Variants in NRXN1 observed in about 807,000 individuals in gnomAD.
NRXN1 encodes the protein neurexin 1.
In NRXN1, 39 loss-of-function variants were observed where a neutral mutation model predicts 150.9. The ratio of observed to expected loss-of-function variants is 0.26; its 90% confidence interval spans 0.20 to 0.34. The LOEUF (loss-of-function observed/expected upper bound fraction) is 0.34. Ranked by LOEUF, NRXN1 falls within the 10% of genes least tolerant of loss-of-function variation. The probability of loss-of-function intolerance (pLI) is 1.00; values close to 1 mark genes in which losing one functional copy is unlikely to be tolerated. For synonymous variants in NRXN1, 924 were observed against 757.0 expected, an observed-to-expected ratio of 1.22 and a Z score of -3.62; for missense variants, 1,815 against 1,949.9, an observed-to-expected ratio of 0.93 and a Z score of 1.30.
chr2:50,437,344 T>C (rs544406253), intron 17 of NRXN1, among the ~76,000 whole-genome samples: 7 of 152,288 alleles, frequency 4.6e-5, no homozygotes, highest in African/African-American at 7.2e-5. Context: ...CTACTGCCAA[T>C]AACCTTATAG....
intron 2 of NRXN1, among the ~76,000 whole-genome samples, chr2:50,955,801 C>T (rs752450550): frequency 2.2e-4 from 34 of 152,008 alleles, no homozygotes; most frequent in Non-Finnish European, 4.9e-4. Context: ...CAGAAACTGC[C>T]AAATAGAAAG....
intron 5 of NRXN1, among the ~76,000 whole-genome samples, chr2:50,751,917 G>C (rs1224974238): frequency 1.3e-5 from 2 of 151,908 alleles, no homozygotes; most frequent in African/African-American, 2.4e-5. Flanking sequence ...CTCCTCCACT[G>C]TGTATCACCT....
At chr2:50,723,567 T>C (rs1696943650) in intron 5 of NRXN1, among the ~76,000 whole-genome samples, 1 of 152,242 alleles carries the variant, frequency 6.6e-6, no homozygotes, top group Non-Finnish European at 1.5e-5. Flanking sequence ...TCAATGCCTC[T>C]GGGCCAGCTC....
At chr2:50,467,653 G>GTAA (rs534629820) in intron 16 of NRXN1, among the ~76,000 whole-genome samples, 5 of 150,762 alleles carry the variant, frequency 3.3e-5, no homozygotes, top group African/African-American at 4.8e-5. Flanking sequence ...TCTTAATTCT[G>GTAA]TAATAATAAT....
Position 51,027,593 on chromosome 2 carries a change from C to T in NRXN1, c.681G>A (p.Val227=), listed in dbSNP as rs756678360. Residue 227 remains valine, a synonymous_variant, in exon 2 of 23, where the codon GTG becomes GTA. Transcript: ENST00000401669. ...CEAGEEGEGG[V]CLNGGVCSVV... is the part of the protein sequence containing the mutation. ...CGGAGCACACACCTCCGTTGAGGCA[C>T]ACCCCGCCCTCGCCCTCCTCGCCCG... is the stretch of plus-strand genomic sequence containing the variant. The T allele has an allele frequency of 3.1e-6, 5 of 1,606,196 alleles. No individual in the cohort carries two copies. In the Admixed American group the frequency reaches 8.4e-5, roughly 27 times the overall value.
chr2:51,028,219 G>T lies in NRXN1; in HGVS notation c.55C>A (p.Leu19Met). Residue 19 changes from leucine to methionine, a missense_variant, in exon 2 of 23, where the codon CTG becomes ATG. This residue lies in a region of NRXN1 where 554 missense variants were observed against 478.8 expected (regional missense o/e 1.16). Coordinates refer to ENST00000401669, the MANE Select transcript of NRXN1 (RefSeq NM_001330078.2). ...AGCTCCGCCCAGCAGCCCAGGAGCA[G>T]CAGCGAGAGGCACAGAAGAAAACAG... ...GGCFLLCLSL[L>M]LLGCWAELGS... The T allele has an allele frequency of 6.8e-7, 1 of 1,478,278 alleles. No homozygotes were observed. The highest frequency in any genetic ancestry group is 8.9e-7 in the Non-Finnish European group (1 of 1,121,658). 91.6% of individuals were successfully genotyped at this position (1,478,278 alleles called of 1,614,324 possible).
In NRXN1 at chr2:50,345,601, G is replaced by T. The variant is rs142935573; in HGVS notation, c.3365-108631C>A. On this transcript the variant is annotated intron_variant, in intron 17 of 22. Transcript: ENST00000401669. The stretch of plus-strand genomic sequence containing the variant: ...GAGTGGGGAACGACTCACAAAAACA[G>T]ATTGATGTTTTAATTTTTGGCAATT... 2.6e-3 allele frequency among the ~76,000 whole-genome samples: 397 copies of T among 152,312 alleles called. 2 individuals are homozygous for T. The highest frequency in any genetic ancestry group is 9.1e-3 in the African/African-American group (378 of 41,560).
intron 21 of NRXN1, chr2:49,974,211 T>C: frequency 2.9e-6 from 2 of 696,228 alleles, no homozygotes; most frequent in South Asian, 1.5e-5. Flanking sequence ...AAACGCTCTG[T>C]CAGTCACGTG....
intron 8 of NRXN1, among the ~76,000 whole-genome samples, chr2:50,597,019 A>G (rs895635466): frequency 1.3e-5 from 2 of 151,642 alleles, no homozygotes; most frequent in Non-Finnish European, 2.9e-5. Flanking sequence ...TCCAGTTAAT[A>G]TTTTTGTATT....
At chr2:50,994,418 A>G (rs1698981738) in intron 2 of NRXN1, among the ~76,000 whole-genome samples, 2 of 152,088 alleles carry the variant, frequency 1.3e-5, no homozygotes, top group African/African-American at 4.8e-5. Context: ...TTAATCACCT[A>G]GTCAAAAGCA....
intron 17 of NRXN1, among the ~76,000 whole-genome samples, chr2:50,444,247 G>GA (rs34522238): frequency 1.3e-5 from 2 of 151,996 alleles, no homozygotes; most frequent in Non-Finnish European, 2.9e-5. Flanking sequence ...TCTGTCACAG[G>GA]AAAAAATAAA....
At chr2:50,522,719 C>CTTT (rs1323306682) in intron 12 of NRXN1, among the ~76,000 whole-genome samples, 2 of 86,596 alleles carry the variant, frequency 2.3e-5, no homozygotes, top group Admixed American at 1.3e-4. Flanking sequence ...TATTTTTATT[C>CTTT]ATTTTTTTTT....
At chr2:50,678,536 G>A (rs1689874935) in intron 5 of NRXN1, among the ~76,000 whole-genome samples, 1 of 152,150 alleles carries the variant, frequency 6.6e-6, no homozygotes, top group South Asian at 2.1e-4. Flanking sequence ...TCAGCCATCT[G>A]TATCACTGAC....
At chr2:50,688,997 T>C (rs1270709329) in intron 5 of NRXN1, among the ~76,000 whole-genome samples, 2 of 152,298 alleles carry the variant, frequency 1.3e-5, no homozygotes, top group East Asian at 3.9e-4. Flanking sequence ...AAAATAAATA[T>C]ACATACCCCT....
At chr2:50,266,885 A>C (rs1163173566) in intron 17 of NRXN1, among the ~76,000 whole-genome samples, 1 of 152,196 alleles carries the variant, frequency 6.6e-6, no homozygotes, top group African/African-American at 2.4e-5. Flanking sequence ...TTGGATAAAC[A>C]AGTATAGAAA....
At chr2:50,612,377 T>C (rs1052519785) in intron 8 of NRXN1, among the ~76,000 whole-genome samples, 1 of 151,494 alleles carries the variant, frequency 6.6e-6, no homozygotes, top group African/African-American at 2.4e-5. Context: ...CAAAAACTTG[T>C]TTTTTTTCTT....
At chr2:50,894,118 T>C (rs1033790521) in intron 5 of NRXN1, among the ~76,000 whole-genome samples, 2 of 151,796 alleles carry the variant, frequency 1.3e-5, no homozygotes, top group South Asian at 2.1e-4. Flanking sequence ...AGGGATAGCA[T>C]TGGGAGATAT....
At chr2:50,239,838 A>T (rs1272375633) in intron 17 of NRXN1, among the ~76,000 whole-genome samples, 3 of 149,908 alleles carry the variant, frequency 2.0e-5, no homozygotes, top group Admixed American at 6.7e-5. Context: ...ATAAAGTGAC[A>T]TTTGCTCTTC....
At chr2:49,987,056 A>C (rs1417214152) in intron 21 of NRXN1, among the ~76,000 whole-genome samples, 1 of 152,100 alleles carries the variant, frequency 6.6e-6, no homozygotes, top group African/African-American at 2.4e-5. Context: ...AAAAAAAAGA[A>C]AATATACATT....
Sources: gnomAD v4.1 joint callset for allele counts (sites outside exome capture counted in the v4.1 genomes callset) on GRCh38, gnomAD v4.1.1 for gene constraint, gnomAD v4.1.1 regional missense constraint, MANE v1.5 for transcripts, NCBI Gene and HGNC (gene_info 2026-07-23, HGNC 2026-07-21) for gene names.